HDAC4: variants seen among roughly 807,000 people sequenced by gnomAD.
HDAC4 encodes the protein histone deacetylase A.
HDAC4 carries 16 observed loss-of-function variants against 135.1 expected under a neutral mutation model. The ratio of observed to expected loss-of-function variants is 0.12; its 90% CI spans 0.08 to 0.18. The LOEUF (loss-of-function observed/expected upper bound fraction) is 0.18, where lower values mean the gene tolerates loss of function less well. HDAC4 is among the 10% of genes least tolerant of loss of function. The probability of loss-of-function intolerance (pLI) is 1.00; values close to 1 mark genes in which losing one functional copy is unlikely to be tolerated. For synonymous variants in HDAC4, 685 were observed against 653.4 expected, an observed-to-expected ratio of 1.05 and a Z score of -0.74; for missense variants, 1,143 against 1,511.8, an observed-to-expected ratio of 0.76 and a Z score of 4.05.
rs141268656 is a variant in HDAC4, at chr2:239,115,134, G to A, written c.1710C>T (p.Ser570=). The change falls in exon 13 of 27, where the codon AGC becomes AGT. Residue 570 remains serine, a synonymous_variant. Transcript: ENST00000543185. This position sits in a 1 kb window ranked among gnomAD's most constrained non-coding sequence, Gnocchi z 6.3. ...GTGGGGGCTCTGCCTCTTCCTCATC[G>A]CTCTCAATGGGCTCCTGCTTCACCT... The part of the protein sequence containing the change: ...GVQVKQEPIE[S]DEEEAEPPRE... The A allele has an allele frequency of 2.6e-5, 42 of 1,611,692 alleles. No individual in the cohort carries two copies. The highest frequency in any genetic ancestry group is 1.3e-4 in the East Asian group (6 of 44,870).
At chr2:239,149,105 T>C (rs900769516) in intron 7 of HDAC4, among the ~76,000 whole-genome samples, 2 of 151,936 alleles carry the variant, frequency 1.3e-5, no homozygotes, top group African/African-American at 4.8e-5. Context: ...TCGGTGAAAA[T>C]AAAAAGATAA....
At chr2:239,058,952 C>T (rs573434933) in intron 24 of HDAC4, among the ~76,000 whole-genome samples, 19 of 152,320 alleles carry the variant, frequency 1.2e-4, no homozygotes, top group Non-Finnish European at 1.6e-4. Flanking sequence ...AGGCTGACCA[C>T]GCACTGGCCC....
intron 2 of HDAC4, among the ~76,000 whole-genome samples, chr2:239,297,723 G>C (rs1203150866): frequency 6.6e-6 from 1 of 152,178 alleles, no homozygotes; most frequent in Admixed American, 6.5e-5. Flanking sequence ...CATCCCCTCA[G>C]CACCCTCTGG....
intron 2 of HDAC4, among the ~76,000 whole-genome samples, chr2:239,264,361 C>T (rs552117148): frequency 2.3e-4 from 35 of 152,204 alleles, no homozygotes; most frequent in Non-Finnish European, 4.6e-4. Context: ...GGCAAAAGAG[C>T]GAAAGACCGT....
At chr2:239,072,337 A>G (rs1009858550) in intron 22 of HDAC4, among the ~76,000 whole-genome samples, 4 of 152,136 alleles carry the variant, frequency 2.6e-5, no homozygotes, top group Non-Finnish European at 4.4e-5. Context: ...GTCTCCTGGT[A>G]TTTCCACCAT....
intron 2 of HDAC4, among the ~76,000 whole-genome samples, chr2:239,260,047 A>G (rs1303698501): frequency 2.0e-5 from 3 of 152,198 alleles, no homozygotes; most frequent in African/African-American, 4.8e-5. Context: ...TCCACCCCCA[A>G]CGCTGTGATT....
chr2:239,252,462 C>G (rs1369161476), intron 2 of HDAC4, among the ~76,000 whole-genome samples: 5 of 152,260 alleles, frequency 3.3e-5, no homozygotes, highest in Non-Finnish European at 7.3e-5. Context: ...GGAGCAAGTC[C>G]TCTGACTTTC....
chr2:239,235,574 C>T (rs1037906088), intron 3 of HDAC4, among the ~76,000 whole-genome samples: 6 of 152,324 alleles, frequency 3.9e-5, no homozygotes, highest in East Asian at 1.9e-4. Context: ...CTCAGCCCCA[C>T]GCCATCAGGA....
chr2:239,063,500 G>A (rs1006819891), intron 24 of HDAC4, among the ~76,000 whole-genome samples: 3 of 152,156 alleles, frequency 2.0e-5, no homozygotes, highest in Non-Finnish European at 2.9e-5. Context: ...CACTGCGCCC[G>A]GCCAGCCCTG....
chr2:239,139,656 G>C lies in HDAC4; in HGVS notation c.978+28C>G, dbSNP rs1435865023. 1.9e-6 allele frequency: 3 copies of C among 1,591,336 alleles called. No homozygotes were observed. Among genetic ancestry groups the C allele is most frequent in the African/African-American group, 1.3e-5 (1 of 74,512 alleles). ...CGTCCCGAGTCCGACTCTAGCCGTA[G>C]GACACAGGACAAACGCTTCGCACTG... On this transcript the variant is annotated intron_variant, in intron 9 of 26. Coordinates refer to ENST00000543185, the MANE Select transcript of HDAC4 (RefSeq NM_001378414.1). This position sits in a 1 kb window ranked among gnomAD's most constrained non-coding sequence, Gnocchi z 5.3.
In HDAC4 at chr2:239,307,085, G is replaced by A. The variant is rs928632077; in HGVS notation, c.22+45593C>T. The stretch of plus-strand genomic sequence containing the variant: ...TCTGGTGAGCCCAGAGGCCCGAGTC[G>A]TCCGGATGGCCCATCTCAGGCCACA... On this transcript the variant is annotated intron_variant, in intron 2 of 26. Transcript: ENST00000543185. The surrounding 1 kb of genome is among the most constrained non-coding windows in gnomAD (Gnocchi z 4.8). Among the ~76,000 whole-genome samples the A allele has an allele frequency of 4.6e-5, 7 of 152,186 alleles. No homozygotes were observed. Among genetic ancestry groups the A allele is most frequent in the Non-Finnish European group, 5.9e-5 (4 of 67,998 alleles).
At chr2:239,252,820 G>C (rs1465597033) in intron 2 of HDAC4, among the ~76,000 whole-genome samples, 1 of 152,184 alleles carries the variant, frequency 6.6e-6, no homozygotes, top group African/African-American at 2.4e-5. Flanking sequence ...GTTTAATAAA[G>C]TTATTTTTGA....
intron 3 of HDAC4, among the ~76,000 whole-genome samples, chr2:239,205,787 A>G (rs560840831): frequency 6.6e-6 from 1 of 152,282 alleles, no homozygotes; most frequent in South Asian, 2.1e-4. Flanking sequence ...GTGAAGGAAA[A>G]TTTAAATAGT....
intron 13 of HDAC4, among the ~76,000 whole-genome samples, chr2:239,113,801 C>G (rs904220780): frequency 6.6e-6 from 1 of 152,170 alleles, no homozygotes; most frequent in South Asian, 2.1e-4. Context: ...CATGAAGCAC[C>G]GTGTGTGTGC....
chr2:239,259,820 C>T (rs2049250280), intron 2 of HDAC4, among the ~76,000 whole-genome samples: 1 of 152,196 alleles, frequency 6.6e-6, no homozygotes, highest in Admixed American at 6.5e-5. Flanking sequence ...TGTGGTATGG[C>T]GTGAGCCCCA....
rs867258344 is a variant in HDAC4, at chr2:239,120,430, C to T, written c.1534-5120G>A. Among the ~76,000 whole-genome samples, 177 of 116,228 alleles carry T rather than the reference C, an allele frequency of 1.5e-3. No individual in the cohort carries two copies. The Middle Eastern group carries it at 0.018, about 12-fold the overall frequency. 76.3% of individuals were successfully genotyped at this position (116,228 alleles called of 152,430 possible). ...ACACACACACAGACACAGACAGATG[C>T]ACAAATAGACAGACATGCAGATACA... On this transcript the variant is annotated intron_variant, in intron 12 of 26. Transcript: ENST00000543185.
At chr2:239,321,464 CAAAAAAAAAAAAAAAA>C (rs10530231) in intron 2 of HDAC4, among the ~76,000 whole-genome samples, 5,274 of 56,698 alleles carry the variant, frequency 0.093, 418 homozygotes, top group African/African-American at 0.28. Flanking sequence ...GACTCCGTCT[CAAAAAAAAAAAAAAAA>C]AAAAAAAAAA....
chr2:239,194,462 C>G (rs574205768), intron 3 of HDAC4, among the ~76,000 whole-genome samples: 1 of 152,172 alleles, frequency 6.6e-6, no homozygotes, highest in African/African-American at 2.4e-5. Context: ...GCTTGGGTGA[C>G]GCTCCTGCCC....
chr2:239,124,743 T>C (rs866636339), intron 12 of HDAC4, among the ~76,000 whole-genome samples: 1 of 123,586 alleles, frequency 8.1e-6, no homozygotes, highest in Non-Finnish European at 1.8e-5. Flanking sequence ...GGCTGCGTTA[T>C]ATGACATTCC....
Sources: allele counts gnomAD v4.1 joint callset (sites outside exome capture counted in the v4.1 genomes callset), GRCh38; gene constraint gnomAD v4.1.1; non-coding constraint Gnocchi (gnomAD v3.1); transcripts MANE v1.5; gene names NCBI Gene and HGNC (gene_info 2026-07-23, HGNC 2026-07-21).